DACH1: variants seen among roughly 807,000 people sequenced by gnomAD.
The protein encoded by DACH1 is dachshund homolog 1.
Under a neutral mutation model 54.2 loss-of-function variants are expected in DACH1, and 12 were observed. That is an observed-to-expected ratio of 0.22 (90% CI 0.14 to 0.36). The LOEUF is 0.36. Among genes scored for constraint, DACH1 ranks in the 10% least tolerant of loss-of-function variants. The pLI, the probability that DACH1 is intolerant of heterozygous loss-of-function variation, is 1.00. For synonymous variants in DACH1, 386 were observed against 366.2 expected (o/e 1.05, Z -0.62); for missense variants, 805 against 929.8 (o/e 0.87, Z 1.75).
At chr13:71,822,866 C>G (rs1888243917) in intron 1 of DACH1, among the ~76,000 whole-genome samples, 1 of 151,998 alleles carries the variant, frequency 6.6e-6, no homozygotes, top group Non-Finnish European at 1.5e-5. Flanking sequence ...AATAATTTAA[C>G]AGTTCTCCAC....
chr13:71,506,292 C>T (rs1031875681), intron 6 of DACH1, among the ~76,000 whole-genome samples: 14 of 123,360 alleles, frequency 1.1e-4, no homozygotes, highest in South Asian at 3.1e-4. Flanking sequence ...CCCCCTCCCC[C>T]CGCCCCACAA....
rs73503520 is a variant in DACH1 at position 71,823,663 on chromosome 13, T to C, written c.848+42259A>G. Among the ~76,000 whole-genome samples, 1,025 of 152,060 alleles carry C rather than the reference T, an allele frequency of 6.7e-3. 8 individuals are homozygous for C. Among genetic ancestry groups the C allele is most frequent in the African/African-American group, 0.024 (984 of 41,542 alleles). ...AGAAAGCAATTGTAGATAAAATTTA[T>C]CTGTTTCTTGATTGTTTGAAAAGGC... On this transcript the variant is annotated intron_variant, in intron 1 of 10. Transcript: ENST00000613252.
rs141409866 is a variant in DACH1, at chr13:71,709,819, A to C, written c.849-27909T>G. On this transcript the variant is annotated intron_variant, in intron 1 of 10. Coordinates refer to ENST00000613252, the MANE Select transcript of DACH1 (RefSeq NM_080759.6). ...TACACCCTGCAGATAAGGGAACATT[A>C]CTGTATAAATAAATAAATACACCCA... 7.6e-3 allele frequency among the ~76,000 whole-genome samples: 1,152 copies of C among 152,322 alleles called. 15 individuals carry two copies. The highest frequency in any genetic ancestry group is 0.026 in the African/African-American group (1,064 of 41,564).
At chr13:71,820,443 A>G (rs528281043) in intron 1 of DACH1, among the ~76,000 whole-genome samples, 1 of 152,170 alleles carries the variant, frequency 6.6e-6, no homozygotes, top group African/African-American at 2.4e-5. Flanking sequence ...TAAAGCCTTG[A>G]CCAGGGCTTT....
intron 10 of DACH1, among the ~76,000 whole-genome samples, chr13:71,463,095 A>G (rs1045191761): frequency 1.3e-5 from 2 of 151,984 alleles, no homozygotes; most frequent in African/African-American, 2.4e-5. Flanking sequence ...ACACTAGACT[A>G]TTACTCTCAG....
intron 2 of DACH1, among the ~76,000 whole-genome samples, chr13:71,665,764 T>C (rs1203496816): frequency 1.3e-5 from 2 of 152,126 alleles, no homozygotes; most frequent in Non-Finnish European, 2.9e-5. Context: ...ATATGAATGT[T>C]ACCTAAAGAG....
intron 1 of DACH1, among the ~76,000 whole-genome samples, chr13:71,840,888 C>CT (rs530047902): frequency 0.015 from 2,246 of 151,992 alleles, 44 homozygotes; most frequent in African/African-American, 0.051. Context: ...CTTTTCTTTC[C>CT]GTCTTACAAA....
intron 1 of DACH1, among the ~76,000 whole-genome samples, chr13:71,857,883 T>G (rs1874105400): frequency 6.6e-6 from 1 of 151,738 alleles, no homozygotes; most frequent in Non-Finnish European, 1.5e-5. Flanking sequence ...AAAGATTTGT[T>G]ACACCTTAAG....
At chr13:71,701,410 G>A (rs1339727729) in intron 1 of DACH1, among the ~76,000 whole-genome samples, 4 of 152,052 alleles carry the variant, frequency 2.6e-5, no homozygotes, top group South Asian at 2.1e-4. Flanking sequence ...TTTAGTAACC[G>A]TGTTTTTTCC....
chr13:71,658,663 CTATAA>C (rs1879296951), intron 2 of DACH1, among the ~76,000 whole-genome samples: 1 of 152,122 alleles, frequency 6.6e-6, no homozygotes, highest in African/African-American at 2.4e-5. Flanking sequence ...GAAATATTAG[CTATAA>C]TATATTTCAA....
intron 3 of DACH1, among the ~76,000 whole-genome samples, chr13:71,607,749 T>C (rs1350754489): frequency 1.3e-5 from 2 of 152,086 alleles, no homozygotes; most frequent in African/African-American, 4.8e-5. Context: ...CACATGTTCC[T>C]GTTTCTGGGC....
rs370303151 is a variant in DACH1 at position 71,568,043 on chromosome 13, AG to A, written c.1299+4796del. ...TTGATTTATATTGTTTATTTTACTC[AG>A]TCGTTTAACGTAATAAAGGAATACA... is the stretch of plus-strand genomic sequence containing the variant. On this transcript the variant is annotated intron_variant, in intron 4 of 10. Transcript: ENST00000613252. 1.1e-4 allele frequency among the ~76,000 whole-genome samples: 17 copies of A among 152,160 alleles called. No individual in the cohort carries two copies. The East Asian group carries it at 3.1e-3, about 28-fold the overall frequency.
intron 1 of DACH1, among the ~76,000 whole-genome samples, chr13:71,749,751 TGAACCCGACTAAG>T (rs1487089722): frequency 6.6e-6 from 1 of 152,154 alleles, no homozygotes; most frequent in Non-Finnish European, 1.5e-5. Context: ...TACCATTCTG[TGAACCCGACTAAG>T]GAACACGAGT....
intron 1 of DACH1, among the ~76,000 whole-genome samples, chr13:71,770,213 T>TC (rs574840253): frequency 3.4e-3 from 513 of 151,860 alleles, no homozygotes; most frequent in African/African-American, 0.012. Context: ...ATCCTTGCCT[T>TC]CGTACGTTTT....
At chr13:71,493,990 A>G (rs1384310526) in intron 6 of DACH1, among the ~76,000 whole-genome samples, 1 of 152,128 alleles carries the variant, frequency 6.6e-6, no homozygotes, top group Non-Finnish European at 1.5e-5. Flanking sequence ...TCTTTTATTA[A>G]ATTAGATCAC....
chr13:71,635,945 T>A (rs542464744), intron 2 of DACH1, among the ~76,000 whole-genome samples: 166 of 152,186 alleles, frequency 1.1e-3, no homozygotes, highest in African/African-American at 3.8e-3. Context: ...CAGGTCTGGC[T>A]AATTTTTGGG....
chr13:71,863,666 C>T (rs1368941397), intron 1 of DACH1, among the ~76,000 whole-genome samples: 1 of 152,004 alleles, frequency 6.6e-6, no homozygotes, highest in Non-Finnish European at 1.5e-5. Flanking sequence ...ATTCTCCAAC[C>T]ACATGGTGAG....
intron 2 of DACH1, among the ~76,000 whole-genome samples, chr13:71,643,962 T>C (rs931103139): frequency 2.6e-5 from 4 of 152,168 alleles, no homozygotes; most frequent in Admixed American, 6.5e-5. Context: ...GAGGTCAGCT[T>C]TGAACAATAT....
intron 3 of DACH1, among the ~76,000 whole-genome samples, chr13:71,616,022 CTAAG>C (rs541649012): frequency 1.2e-3 from 182 of 152,170 alleles, no homozygotes; most frequent in Admixed American, 4.3e-3. Flanking sequence ...TTCATAGAGG[CTAAG>C]TAAGAAGGCA....
Sources: allele counts gnomAD v4.1 joint callset (sites outside exome capture counted in the v4.1 genomes callset), GRCh38; gene constraint gnomAD v4.1.1; transcripts MANE v1.5; gene names NCBI Gene and HGNC (gene_info 2026-07-23, HGNC 2026-07-21).